The following ATAD3B variants were observed in gnomAD, a reference collection of about 807,000 sequenced individuals.
ATAD3B encodes ATPase family AAA domain containing 3B.
In ATAD3B, 59 loss-of-function variants were observed where a neutral mutation model predicts 70.2. The observed-to-expected ratio is 0.84, with a 90% confidence interval of 0.68 to 1.04. ATAD3B has a LOEUF of 1.04. Ranked by LOEUF, ATAD3B falls within the 50% of genes least tolerant of loss-of-function variation. The pLI is 0.00. For missense variants in ATAD3B, 961 were observed against 913.4 expected (o/e 1.05, Z -0.67); for synonymous variants, 423 against 388.6 (o/e 1.09, Z -1.04).
rs1640788610 is a variant in ATAD3B at position 1,496,244 on chromosome 1, G to C, written c.*427G>C. 1.0e-6 allele frequency: 1 copy of C among 997,754 alleles called. No individual in the cohort carries two copies. The highest frequency in any genetic ancestry group is 1.2e-6 in the Non-Finnish European group (1 of 838,118). The allele number at this position is 997,754 out of a possible 1,614,324, so 61.8% of individuals were successfully genotyped here. A position where few individuals can be genotyped will look rare whatever the true frequency, so the allele number is the denominator to read the frequency against. On this transcript the variant is annotated 3_prime_UTR_variant, in exon 16 of 16. Coordinates refer to ENST00000673477, the MANE Select transcript of ATAD3B (RefSeq NM_031921.6). ...TTGACTGACACTGCTCGGGGTTTCAGGGGCGCCCTAGCGTCCTCCTGGGGT... is the reference window on the plus strand; with the variant it reads ...TTGACTGACACTGCTCGGGGTTTCACGGGCGCCCTAGCGTCCTCCTGGGGT...
At chr1:1,481,991 C>T (rs111748800) in intron 5 of ATAD3B, 147 bp from the exon 6 acceptor site, 60 of 1,362,014 alleles carry the variant, frequency 4.4e-5, no homozygotes, top group East Asian at 1.0e-4. Context: ...CTGTTGGTGG[C>T]GTGGGCCGGT....
At chr1:1,477,636 T>G (rs1639660455) in intron 2 of ATAD3B, among the ~76,000 whole-genome samples, 1 of 151,956 alleles carries the variant, frequency 6.6e-6, no homozygotes, top group Non-Finnish European at 1.5e-5. Context: ...GGAGGGGGTC[T>G]TCTTCACATT....
At chr1:1,484,850 G>A (rs1050296362) in intron 7 of ATAD3B, 166 bp from the exon 8 acceptor site, 146 of 1,410,560 alleles carry the variant, frequency 1.0e-4, no homozygotes, top group Non-Finnish European at 1.3e-4. Flanking sequence ...CTGTAACCGC[G>A]TGGCTGTGGG....
intron 1 of ATAD3B, among the ~76,000 whole-genome samples, chr1:1,472,547 C>T (rs1479597526): frequency 1.3e-5 from 2 of 151,962 alleles, no homozygotes; most frequent in African/African-American, 2.4e-5. Context: ...AGCAGATTTG[C>T]ACTTCTTGTT....
intron 7 of ATAD3B, chr1:1,484,766 T>TCG: frequency 2.7e-6 from 3 of 1,105,400 alleles, no homozygotes; most frequent in Non-Finnish European, 3.7e-6. Flanking sequence ...CGACCGAGGC[T>TCG]TTCTAGGATT....
At chr1:1,500,087 G>C (rs1363421001), downstream of ATAD3B, among the ~76,000 whole-genome samples, 1 of 150,164 alleles carries the variant, frequency 6.7e-6, no homozygotes, top group Non-Finnish European at 1.5e-5. Context: ...TAGTAGAGAC[G>C]GGGTTTCACC....
chr1:1,480,406 G>A (rs933145153), intron 4 of ATAD3B, among the ~76,000 whole-genome samples: 20 of 146,460 alleles, frequency 1.4e-4, no homozygotes, highest in Non-Finnish European at 2.4e-4. Flanking sequence ...AGTGGCGGCG[G>A]GCGGGTCTCT....
intron 1 of ATAD3B, among the ~76,000 whole-genome samples, chr1:1,473,878 G>C (rs1639457354): frequency 6.6e-6 from 1 of 152,058 alleles, no homozygotes; most frequent in African/African-American, 2.4e-5. Flanking sequence ...TGTTTAAGGA[G>C]GGATGGCCTG....
the ATAD3B span, among the ~76,000 whole-genome samples, chr1:1,502,860 G>C: frequency 6.6e-6 from 1 of 151,526 alleles, no homozygotes; most frequent in Non-Finnish European, 1.5e-5. Context: ...AACCTTGCGA[G>C]TTTGGGATTT....
In ATAD3B at chr1:1,481,043, G is replaced by C. The variant is rs1038471378; in HGVS notation, c.514+107G>C. The C allele has an allele frequency of 3.7e-5, 57 of 1,532,852 alleles. 3 individuals carry two copies. Among genetic ancestry groups the C allele is most frequent in the Middle Eastern group, 2.0e-4 (1 of 5,052 alleles). 95.0% of individuals were successfully genotyped at this position (1,532,852 alleles called of 1,614,324 possible). A position where few individuals can be genotyped will look rare whatever the true frequency, so the allele number is the denominator to read the frequency against. The stretch of plus-strand genomic sequence containing the variant: ...GCCGCCCGGCCCCTCATAGCTACCA[G>C]TGCAGTGGGCGAGGCCTGCTGGGGC... On this transcript the variant is annotated intron_variant, in intron 5 of 15. Coordinates refer to ENST00000673477, the MANE Select transcript of ATAD3B (RefSeq NM_031921.6).
the ATAD3B span, chr1:1,509,316 A>G: frequency 6.2e-7 from 1 of 1,612,326 alleles, no homozygotes; most frequent in Non-Finnish European, 8.5e-7. Flanking sequence ...GAAGAGGGGG[A>G]GGCCTGGGCC....
rs376051449 is a variant in ATAD3B at position 1,496,732 on chromosome 1, C to T, written c.*915C>T. 3 of 149,278 alleles carry T rather than the reference C, an allele frequency of 2.0e-5. No homozygotes were observed. The highest frequency in any genetic ancestry group is 6.7e-5 in the Admixed American group (1 of 14,996). The allele number at this position is 149,278 out of a possible 1,614,324, so 9.2% of individuals were successfully genotyped here. A position where few individuals can be genotyped will look rare whatever the true frequency, so the allele number is the denominator to read the frequency against. On this transcript the variant is annotated 3_prime_UTR_variant, in exon 16 of 16. Coordinates refer to ENST00000673477, the MANE Select transcript of ATAD3B (RefSeq NM_031921.6). Reference sequence around the variant, plus strand: ...AATTCTGGGAGCAGAGCGTGGTACCCACTGCCTGGCTGGGGCCTACTCTGG... The same window carrying T: ...AATTCTGGGAGCAGAGCGTGGTACCTACTGCCTGGCTGGGGCCTACTCTGG...
chr1:1,476,515 A>ATT (rs34013345), intron 1 of ATAD3B, among the ~76,000 whole-genome samples: 1 of 146,734 alleles, frequency 6.8e-6, no homozygotes. Flanking sequence ...TGTTAGAATA[A>ATT]TTTTTTTTTT....
the ATAD3B span, among the ~76,000 whole-genome samples, chr1:1,508,745 G>A: frequency 8.0e-5 from 12 of 150,682 alleles, no homozygotes; most frequent in Non-Finnish European, 1.5e-4. Flanking sequence ...GTGGGGCAGG[G>A]GTGGCCTTGG....
chr1:1,488,046 C>G (rs2100581521), intron 12 of ATAD3B, 132 bp downstream of exon 12: 1 of 1,314,652 alleles, frequency 7.6e-7, no homozygotes, highest in South Asian at 1.2e-5. Flanking sequence ...CCTCTGCCTC[C>G]TGGGTTCAAG....
chr1:1,499,522 G>A (rs371214130), downstream of ATAD3B, among the ~76,000 whole-genome samples: 5 of 150,918 alleles, frequency 3.3e-5, no homozygotes, highest in Admixed American at 6.6e-5. Flanking sequence ...GTGAGCCACC[G>A]TGCCCAGCCA....
chr1:1,486,999 G>A (rs1640256367), intron 11 of ATAD3B, among the ~76,000 whole-genome samples: 2 of 151,470 alleles, frequency 1.3e-5, no homozygotes, highest in Middle Eastern at 3.4e-3. Flanking sequence ...CTGCAGGTGG[G>A]CGTGGGCACT....
rs777740137 is a variant in ATAD3B at position 1,486,506 on chromosome 1, G to A, written c.1090-38G>A. On this transcript the variant is annotated intron_variant, in intron 10 of 15. Coordinates refer to ENST00000673477, the MANE Select transcript of ATAD3B (RefSeq NM_031921.6). ...TGTGCAGGCTTTGCAGAGGCAGAGGGAACATCTGTTCTGTCTCCCCTCACT... is the reference window on the plus strand; with the variant it reads ...TGTGCAGGCTTTGCAGAGGCAGAGGAAACATCTGTTCTGTCTCCCCTCACT... 47 of 1,611,804 alleles carry A rather than the reference G, an allele frequency of 2.9e-5. 1 individual carries two copies. Among genetic ancestry groups the A allele is most frequent in the Non-Finnish European group, 3.3e-5 (39 of 1,179,468 alleles).
chr1:1,474,226 T>C (rs1225494405), intron 1 of ATAD3B, among the ~76,000 whole-genome samples: 3 of 151,258 alleles, frequency 2.0e-5, no homozygotes, highest in African/African-American at 7.3e-5. Context: ...GGAGTCTCGC[T>C]GTCGCCCAGG....
Sources: allele counts gnomAD v4.1 joint callset (sites outside exome capture counted in the v4.1 genomes callset), GRCh38; gene constraint gnomAD v4.1.1; transcripts MANE v1.5; gene names NCBI Gene and HGNC (gene_info 2026-07-23, HGNC 2026-07-21).